MINDY2: variants seen among roughly 807,000 people sequenced by gnomAD.
MINDY2 encodes the protein ubiquitin carboxyl-terminal hydrolase MINDY-2.
A neutral mutation model predicts 68.2 loss-of-function variants in MINDY2; 52 were observed. The observed-to-expected ratio is 0.76, with a 90% CI of 0.61 to 0.96. The LOEUF (loss-of-function observed/expected upper bound fraction) is 0.96, where lower values mean the gene tolerates loss of function less well. Among genes scored for constraint, MINDY2 ranks in the 40% least tolerant of loss-of-function variants. The pLI is 0.00. For synonymous variants in MINDY2, 372 were observed against 303.0 expected (o/e 1.23, Z -2.36); for missense variants, 881 against 773.4 (o/e 1.14, Z -1.65).
At chr15:58,811,317 G>C (rs560837952) in intron 4 of MINDY2, among the ~76,000 whole-genome samples, 1 of 152,126 alleles carries the variant, frequency 6.6e-6, no homozygotes, top group Non-Finnish European at 1.5e-5. Flanking sequence ...ATTGACCTTT[G>C]GTATATTAGT....
chr15:58,808,317 A>G (rs1434089913), intron 3 of MINDY2, among the ~76,000 whole-genome samples: 5 of 152,198 alleles, frequency 3.3e-5, no homozygotes, highest in South Asian at 2.1e-4. Context: ...CCATTACAGT[A>G]TCATACAGAA....
intron 4 of MINDY2, among the ~76,000 whole-genome samples, chr15:58,814,200 A>G (rs1311976253): frequency 6.6e-6 from 1 of 152,074 alleles, no homozygotes; most frequent in Non-Finnish European, 1.5e-5. Context: ...TCGGCCTCCC[A>G]GAGTGCTGCG....
intron 8 of MINDY2, among the ~76,000 whole-genome samples, chr15:58,853,199 C>A (rs889186620): frequency 4.0e-5 from 6 of 151,676 alleles, no homozygotes; most frequent in African/African-American, 1.5e-4. Context: ...GTGATTCACC[C>A]ACCTCGGCCT....
At chr15:58,844,425 G>A (rs1271027234) in intron 6 of MINDY2, among the ~76,000 whole-genome samples, 3 of 151,826 alleles carry the variant, frequency 2.0e-5, no homozygotes, top group African/African-American at 7.3e-5. Context: ...GGTGGCGGGC[G>A]CCTGTAGTCC....
At chr15:58,791,292 C>A (rs1901894598) in intron 2 of MINDY2, among the ~76,000 whole-genome samples, 1 of 137,586 alleles carries the variant, frequency 7.3e-6, no homozygotes, top group Non-Finnish European at 1.6e-5. Flanking sequence ...TCAGCACTTT[C>A]AATTAAAATT....
At position 58,821,774 on chromosome 15, in the gene MINDY2, A is replaced by G; in HGVS notation, c.1180A>G (p.Ile394Val). 6.3e-7 allele frequency: 1 copy of G among 1,591,270 alleles called. No homozygotes were observed. Among genetic ancestry groups the G allele is most frequent in the Non-Finnish European group, 8.5e-7 (1 of 1,171,930 alleles). ...CAGCTACAACCAACTAGTGGAGAAG[A>G]TCATCTCTTGTAAACAGTCAGACAA... ...NCSYNQLVEKIISCKQSDNSE... is the reference protein window; with the variant it reads ...NCSYNQLVEKVISCKQSDNSE... Residue 394 changes from isoleucine to valine, a missense_variant, in exon 5 of 9, where the codon ATC becomes GTC. By Grantham distance (29) the Ile-to-Val change is conservative. Coordinates refer to ENST00000559228, the MANE Select transcript of MINDY2 (RefSeq NM_001040450.3).
intron 1 of MINDY2, among the ~76,000 whole-genome samples, chr15:58,778,960 G>T (rs1363536970): frequency 6.6e-6 from 1 of 151,594 alleles, no homozygotes; most frequent in East Asian, 1.9e-4. Flanking sequence ...TAGGGTTTCA[G>T]CATGTTGGCC....
intron 3 of MINDY2, 145 bp downstream of exon 3, chr15:58,802,522 T>C (rs1318573243): frequency 2.3e-6 from 1 of 443,598 alleles, no homozygotes; most frequent in African/African-American, 2.1e-5. Flanking sequence ...CAGTCTCTAT[T>C]ACATATTCTT....
intron 5 of MINDY2, among the ~76,000 whole-genome samples, chr15:58,826,836 C>A (rs1007159386): frequency 2.0e-5 from 3 of 151,994 alleles, no homozygotes; most frequent in Non-Finnish European, 2.9e-5. Context: ...TAGAATAGTT[C>A]TGTAACCTTA....
In MINDY2 at chr15:58,771,312, C is replaced by T. The variant is rs995685351; in HGVS notation, c.-84C>T. On this transcript the variant is annotated 5_prime_UTR_variant, in exon 1 of 9. Coordinates refer to ENST00000559228, the MANE Select transcript of MINDY2 (RefSeq NM_001040450.3). ...AGGCCGCGCCAGGGCGCTGTTGCTG[C>T]CAATACAGCTGTCATGGCGTCCAAG... 4.3e-5 allele frequency: 66 copies of T among 1,524,824 alleles called. No homozygotes were observed. The highest frequency in any genetic ancestry group is 3.2e-4 in the East Asian group (13 of 40,866). The allele number at this position is 1,524,824 out of a possible 1,614,324, so 94.5% of individuals were successfully genotyped here.
intron 6 of MINDY2, 125 bp downstream of exon 6, chr15:58,832,041 A>T: frequency 1.2e-6 from 1 of 823,524 alleles, no homozygotes; most frequent in Non-Finnish European, 1.8e-6. Flanking sequence ...CAAATTATGA[A>T]GGTAATTATT....
intron 6 of MINDY2, among the ~76,000 whole-genome samples, chr15:58,846,525 G>A (rs1238761028): frequency 2.6e-5 from 4 of 151,304 alleles, no homozygotes; most frequent in South Asian, 4.2e-4. Context: ...CCCAGGAGGC[G>A]GAGGTTGCAG....
At chr15:58,839,740 AACCTGCACCTGG>A (rs2032186108) in intron 6 of MINDY2, among the ~76,000 whole-genome samples, 1 of 152,142 alleles carries the variant, frequency 6.6e-6, no homozygotes, top group Non-Finnish European at 1.5e-5. Flanking sequence ...CTGTTTCTAA[AACCTGCACCTGG>A]ACAAAGTATT....
chr15:58,853,738 T>C (rs550788421), intron 8 of MINDY2, among the ~76,000 whole-genome samples: 3 of 150,266 alleles, frequency 2.0e-5, no homozygotes, highest in Admixed American at 1.3e-4. Context: ...GGAGAATCGC[T>C]TGAACCTGGG....
chr15:58,851,961 C>G lies in MINDY2; in HGVS notation c.1733C>G (p.Ala578Gly). The change falls in exon 8 of 9, where the codon GCT becomes GGT. Residue 578 changes from alanine (A) to glycine (G), a missense_variant. By Grantham distance (60) the Ala-to-Gly change is moderately conservative (BLOSUM62 0). Coordinates refer to ENST00000559228, the MANE Select transcript of MINDY2 (RefSeq NM_001040450.3). Reference sequence around the variant, plus strand: ...GCTGCTGCTGCTGCTTCTACACAGGCTCAGGTAAAAACTAGTGTTTTGAGT... The same window carrying G: ...GCTGCTGCTGCTGCTTCTACACAGGGTCAGGTAAAAACTAGTGTTTTGAGT... Reference protein sequence around the residue: ...AAAAAAASTQAQQGQPAQASP... With the variant: ...AAAAAAASTQGQQGQPAQASP... 6.3e-7 allele frequency: 1 copy of G among 1,578,990 alleles called. No individual in the cohort carries two copies. Among genetic ancestry groups the G allele is most frequent in the Non-Finnish European group, 8.6e-7 (1 of 1,169,520 alleles).
rs746848059 is a variant in MINDY2, at chr15:58,854,482, C to G, written c.1738C>G (p.Gln580Glu). The G allele has an allele frequency of 3.1e-6, 5 of 1,607,810 alleles. No individual in the cohort carries two copies. The South Asian group carries it at 4.5e-5, about 14-fold the overall frequency. The stretch of plus-strand genomic sequence containing the variant: ...TTCTTGCTGTATATTTTTCTTAAAG[C>G]AGGGCCAGCCAGCACAAGCCTCTCC... ...AAAAASTQAQ[Q>E]GQPAQASPSS... Residue 580 changes from glutamine (Q) to glutamate (E), a missense_variant and splice_region_variant, in exon 9 of 9, where the codon CAG becomes GAG. Physicochemically the swap from Gln to Glu is conservative, Grantham distance 29. Coordinates refer to ENST00000559228, the MANE Select transcript of MINDY2 (RefSeq NM_001040450.3).
chr15:58,857,985 A>C lies in MINDY2; in HGVS notation c.*3375A>C, dbSNP rs2033113570. 1 of 152,222 alleles carries C rather than the reference A, an allele frequency of 6.6e-6. No homozygotes were observed. The highest frequency in any genetic ancestry group is 1.5e-5 in the Non-Finnish European group (1 of 68,030). 9.4% of individuals were successfully genotyped at this position (152,222 alleles called of 1,614,324 possible). On this transcript the variant is annotated 3_prime_UTR_variant, in exon 9 of 9. Coordinates refer to ENST00000559228, the MANE Select transcript of MINDY2 (RefSeq NM_001040450.3). ...ATTTATAGTACATGATCAACACTTA[A>C]AAGTACTTTACATATGTGTGTTTCT...
chr15:58,813,931 CTT>C lies in MINDY2; in HGVS notation c.1122+3561_1122+3562del, dbSNP rs60131191. On this transcript the variant is annotated intron_variant, in intron 4 of 8. Transcript: ENST00000559228. ...TTCATTGTAGTTTTAACTTGCATTT[CTT>C]TTTTTTTTTTTTTTTTTAATTTGAG... Among the ~76,000 whole-genome samples, 728 of 126,938 alleles carry C rather than the reference CTT, an allele frequency of 5.7e-3. 1 individual carries two copies. The highest frequency in any genetic ancestry group is 0.013 in the African/African-American group (448 of 33,562). The allele number at this position is 126,938 out of a possible 152,430, so 83.3% of individuals were successfully genotyped here. A position where few individuals can be genotyped will look rare whatever the true frequency, so the allele number is the denominator to read the frequency against.
At chr15:58,843,060 A>C (rs1192381972) in intron 6 of MINDY2, among the ~76,000 whole-genome samples, 2 of 152,200 alleles carry the variant, frequency 1.3e-5, no homozygotes, top group African/African-American at 4.8e-5. Flanking sequence ...AAATGTATAA[A>C]TTTTCAAATT....
Sources: gnomAD v4.1 joint callset for allele counts (sites outside exome capture counted in the v4.1 genomes callset) on GRCh38, gnomAD v4.1.1 for gene constraint, MANE v1.5 for transcripts, NCBI Gene and HGNC (gene_info 2026-07-23, HGNC 2026-07-21) for gene names.